OTOGL: variants seen among roughly 807,000 people sequenced by gnomAD.
The protein encoded by OTOGL is otogelin-like protein.
Under a neutral mutation model 318.5 loss-of-function variants are expected in OTOGL, and 285 were observed. That is an observed-to-expected ratio of 0.89 (90% CI 0.81 to 0.99). The LOEUF (loss-of-function observed/expected upper bound fraction) is 0.99, where lower values mean the gene tolerates loss of function less well. Among genes scored for constraint, OTOGL ranks in the 50% least tolerant of loss-of-function variants. The probability of loss-of-function intolerance (pLI) is 0.00; values close to 1 mark genes in which losing one functional copy is unlikely to be tolerated. For missense variants in OTOGL, 2,899 were observed against 2,845.6 expected, an observed-to-expected ratio of 1.02 and a Z score of -0.43; for synonymous variants, 987 against 936.5, an observed-to-expected ratio of 1.05 and a Z score of -0.99.
chr12:80,259,108 T>TA (rs927563931), intron 18 of OTOGL, among the ~76,000 whole-genome samples: 6 of 151,384 alleles, frequency 4.0e-5, no homozygotes, highest in Admixed American at 2.0e-4. Context: ...ATTTTAAAAA[T>TA]AAAAAATGAA....
At chr12:80,239,125 T>A in intron 10 of OTOGL, 147 bp downstream of exon 10, 1 of 1,119,874 alleles carries the variant, frequency 8.9e-7, no homozygotes, top group Non-Finnish European at 1.2e-6. Flanking sequence ...GAAATCACCT[T>A]AATTTTAGAA....
intron 11 of OTOGL, among the ~76,000 whole-genome samples, chr12:80,249,435 C>G: frequency 6.6e-6 from 1 of 151,358 alleles, no homozygotes; most frequent in African/African-American, 2.5e-5. Flanking sequence ...TGTGAGGTGT[C>G]AGTGTGCCCC....
chr12:80,213,984 C>T (rs973537619), intron 4 of OTOGL, among the ~76,000 whole-genome samples: 1 of 152,190 alleles, frequency 6.6e-6, no homozygotes, highest in African/African-American at 2.4e-5. Context: ...AGGGTAAACG[C>T]AGACTTCTGT....
chr12:80,293,841 T>C (rs1885208734), intron 26 of OTOGL, among the ~76,000 whole-genome samples: 1 of 152,176 alleles, frequency 6.6e-6, no homozygotes, highest in Admixed American at 6.5e-5. Context: ...CATAAATGAA[T>C]GCACTGCTTT....
Position 80,233,098 on chromosome 12 carries a change from G to T in OTOGL, c.817+1G>T, listed in dbSNP as rs1257411816. The stretch of plus-strand genomic sequence containing the variant: ...TCTGATGATTTCATAATTCTGCAAG[G>T]TAAGTGAAGCAGAATAAATGTGTGG... On this transcript the variant is annotated splice_donor_variant, in intron 9 of 58. Transcript: ENST00000547103. LOFTEE classifies it high-confidence loss of function. 12 of 1,584,990 alleles carry T rather than the reference G, an allele frequency of 7.6e-6. No individual in the cohort carries two copies. The highest frequency in any genetic ancestry group is 8.6e-6 in the Non-Finnish European group (10 of 1,167,162).
At chr12:80,146,912 T>C (rs1391899639) in intron 1 of OTOGL, among the ~76,000 whole-genome samples, 2 of 117,156 alleles carry the variant, frequency 1.7e-5, no homozygotes, top group Non-Finnish European at 3.8e-5. Context: ...ATATCCCTTT[T>C]ATCATTTTTT....
Position 80,210,828 on chromosome 12 carries a change from A to G in OTOGL, c.80-19A>G. On this transcript the variant is annotated intron_variant, in intron 2 of 58. Transcript: ENST00000547103. ...ATTTGGATAATTTTTTTTCATTCTTATATATTTGTCTCTGGCAGAATATAT... is the reference window on the plus strand; with the variant it reads ...ATTTGGATAATTTTTTTTCATTCTTGTATATTTGTCTCTGGCAGAATATAT... 1 of 1,425,582 alleles carries G rather than the reference A, an allele frequency of 7.0e-7. No individual in the cohort carries two copies. Among genetic ancestry groups the G allele is most frequent in the Non-Finnish European group, 9.3e-7 (1 of 1,070,632 alleles). 88.3% of individuals were successfully genotyped at this position (1,425,582 alleles called of 1,614,324 possible). A position where few individuals can be genotyped will look rare whatever the true frequency, so the allele number is the denominator to read the frequency against.
chr12:80,367,768 G>T, intron 54 of OTOGL, 29 bp downstream of exon 54: 2 of 1,310,416 alleles, frequency 1.5e-6, no homozygotes, highest in Non-Finnish European at 2.0e-6. Flanking sequence ...TTATTCTGGT[G>T]AGAGTTAATG....
chr12:80,206,199 T>C (rs972417978), intron 1 of OTOGL, among the ~76,000 whole-genome samples: 1 of 152,242 alleles, frequency 6.6e-6, no homozygotes, highest in Non-Finnish European at 1.5e-5. Flanking sequence ...GCAACAGTCA[T>C]AAATTCTGTG....
At chr12:80,242,059 C>G (rs1212552244) in intron 11 of OTOGL, among the ~76,000 whole-genome samples, 1 of 152,000 alleles carries the variant, frequency 6.6e-6, no homozygotes, top group Non-Finnish European at 1.5e-5. Context: ...CAAGAGAAGC[C>G]GAAACATGTT....
Position 80,293,669 on chromosome 12 carries a change from T to A in OTOGL, c.2929-3158T>A, listed in dbSNP as rs75183305. Among the ~76,000 whole-genome samples the A allele has an allele frequency of 5.3e-5, 8 of 152,252 alleles. No individual in the cohort carries two copies. In the East Asian group the frequency reaches 7.7e-4, roughly 15 times the overall value. The stretch of plus-strand genomic sequence containing the variant: ...CTCATATGTTCAGCTTTTTTTTTTT[T>A]ACCTGGTCAGCTCCTACTCTTCCTT... On this transcript the variant is annotated intron_variant, in intron 26 of 58. Transcript: ENST00000547103.
chr12:80,367,462 C>A, intron 53 of OTOGL, 99 bp from the exon 54 acceptor site: 1 of 908,186 alleles, frequency 1.1e-6, no homozygotes, highest in Non-Finnish European at 1.5e-6. Flanking sequence ...AAAATTGGCA[C>A]ATCGCAATGA....
At chr12:80,291,512 C>G (rs1885040364) in intron 26 of OTOGL, among the ~76,000 whole-genome samples, 1 of 152,278 alleles carries the variant, frequency 6.6e-6, no homozygotes, top group Non-Finnish European at 1.5e-5. Flanking sequence ...GGGTTAATTT[C>G]TCTCTTCTTG....
chr12:80,252,192 T>G lies in OTOGL; in HGVS notation c.1276T>G (p.Cys426Gly). Residue 426 changes from cysteine to glycine, a missense_variant, in exon 13 of 59, where the codon TGC becomes GGC. Cys to Gly is a radical substitution (Grantham distance 159). Transcript: ENST00000547103. ...SNLHCLDGCYCPDGLVMDNGT... is the reference protein window; with the variant it reads ...SNLHCLDGCYGPDGLVMDNGT... ...TCTCCATTGTCTTGATGGATGTTAC[T>G]GCCCAGATGGTAAGTGCTTCATGAA... 6.3e-7 allele frequency: 1 copy of G among 1,599,006 alleles called. No individual in the cohort carries two copies. Among genetic ancestry groups the G allele is most frequent in the Non-Finnish European group, 8.5e-7 (1 of 1,171,916 alleles).
rs181536989 is a variant in OTOGL, at chr12:80,192,777, A to G, written c.-19-16636A>G. ...ACCGTCAAATTAAAAAAATTCTGATAATTGATGAAAATGATTAAGACCTAG... is the reference window on the plus strand; with the variant it reads ...ACCGTCAAATTAAAAAAATTCTGATGATTGATGAAAATGATTAAGACCTAG... On this transcript the variant is annotated intron_variant, in intron 1 of 58. Transcript: ENST00000547103. Among the ~76,000 whole-genome samples, 111 of 152,318 alleles carry G rather than the reference A, an allele frequency of 7.3e-4. 1 individual carries two copies. Among genetic ancestry groups the G allele is most frequent in the Admixed American group, 2.0e-3 (31 of 15,298 alleles).
intron 1 of OTOGL, among the ~76,000 whole-genome samples, chr12:80,116,267 G>A (rs927148511): frequency 6.6e-6 from 1 of 152,046 alleles, no homozygotes; most frequent in African/African-American, 2.4e-5. Flanking sequence ...CATCCCTCAT[G>A]GCACAGTCCC....
intron 1 of OTOGL, among the ~76,000 whole-genome samples, chr12:80,125,951 T>C (rs1870805206): frequency 6.6e-6 from 1 of 152,220 alleles, no homozygotes; most frequent in African/African-American, 2.4e-5. Context: ...TTAGTCTTGC[T>C]AGCAGTCTAT....
chr12:80,364,787 TACCTTGACATTTATCCAAATGTCAAC>T (rs1890429119), intron 52 of OTOGL, among the ~76,000 whole-genome samples: 1 of 152,132 alleles, frequency 6.6e-6, no homozygotes, highest in South Asian at 2.1e-4. Flanking sequence ...TGTATGGATA[TACCTTGACATTTATCCAAATGTCAAC>T]ATTTGGATAT....
At chr12:80,189,215 T>C (rs1875512439) in intron 1 of OTOGL, 1 of 155,644 alleles carries the variant, frequency 6.4e-6, no homozygotes, top group South Asian at 2.0e-4. Context: ...AAATGAAACA[T>C]GGAGAGCTAA....
Sources: gnomAD v4.1 joint callset for allele counts (sites outside exome capture counted in the v4.1 genomes callset) on GRCh38, gnomAD v4.1.1 for gene constraint, MANE v1.5 for transcripts, NCBI Gene and HGNC (gene_info 2026-07-23, HGNC 2026-07-21) for gene names.